SKAP2: variants seen among roughly 807,000 people sequenced by gnomAD.
SKAP2 encodes src kinase-associated phosphoprotein 2.
A neutral mutation model predicts 54.9 loss-of-function variants in SKAP2; 28 were observed. The ratio of observed to expected loss-of-function variants is 0.51; its 90% CI spans 0.38 to 0.70. The LOEUF (loss-of-function observed/expected upper bound fraction) is 0.70, where lower values mean the gene tolerates loss of function less well. Ranked by LOEUF, SKAP2 falls within the 30% of genes least tolerant of loss-of-function variation. The pLI, the probability that SKAP2 is intolerant of heterozygous loss-of-function variation, is 0.00. For missense variants in SKAP2, 356 were observed against 424.1 expected, an observed-to-expected ratio of 0.84 and a Z score of 1.41; for synonymous variants, 137 against 134.3, an observed-to-expected ratio of 1.02 and a Z score of -0.14.
rs145688678 is a variant in SKAP2, at chr7:26,854,477, T to C, written c.173+308A>G. The stretch of plus-strand genomic sequence containing the variant: ...TCTTCAGTGTCAGGTATTTTCTGTA[T>C]ATTAAAGTCCTCAATCCACCTTTGT... On this transcript the variant is annotated intron_variant, in intron 2 of 12. Transcript: ENST00000345317. 2.8e-3 allele frequency among the ~76,000 whole-genome samples: 424 copies of C among 152,160 alleles called. 1 individual carries two copies. Among genetic ancestry groups the C allele is most frequent in the African/African-American group, 8.6e-3 (359 of 41,562 alleles).
In SKAP2 at chr7:26,798,483, T is replaced by A. The variant is rs989237437; in HGVS notation, c.307+45547A>T. Among the ~76,000 whole-genome samples, 3 of 152,034 alleles carry A rather than the reference T, an allele frequency of 2.0e-5. No homozygotes were observed. In the East Asian group the frequency reaches 5.8e-4, roughly 29 times the overall value. On this transcript the variant is annotated intron_variant, in intron 4 of 12. Coordinates refer to ENST00000345317, the MANE Select transcript of SKAP2 (RefSeq NM_003930.5). ...GAAGAAAGCTGAGGAATTTCATCAA[T>A]ACCAGACCTGTCCTACAAGAAATGC...
intron 1 of SKAP2, among the ~76,000 whole-genome samples, chr7:26,860,027 T>C (rs934979206): frequency 6.6e-6 from 1 of 152,220 alleles, no homozygotes; most frequent in African/African-American, 2.4e-5. Flanking sequence ...CTGTTGTGTC[T>C]ACCTTCTTTC....
intron 4 of SKAP2, among the ~76,000 whole-genome samples, chr7:26,780,845 T>C (rs1783410201): frequency 6.6e-6 from 1 of 152,028 alleles, no homozygotes; most frequent in African/African-American, 2.4e-5. Flanking sequence ...CCCAATCTTT[T>C]CCCTAACTTG....
At chr7:26,738,954 T>A in intron 5 of SKAP2, 76 bp from the exon 6 acceptor site, 1 of 874,684 alleles carries the variant, frequency 1.1e-6, no homozygotes, top group Non-Finnish European at 1.9e-6. Flanking sequence ...ATTTCTAAGA[T>A]TCCTCTGAGC....
intron 6 of SKAP2, among the ~76,000 whole-genome samples, chr7:26,731,063 G>A (rs1787815269): frequency 6.6e-6 from 1 of 152,126 alleles, no homozygotes; most frequent in South Asian, 2.1e-4. Context: ...TAAAAGCCAG[G>A]ACCCTAGGAA....
intron 9 of SKAP2, among the ~76,000 whole-genome samples, chr7:26,695,470 T>C (rs1321795767): frequency 6.6e-6 from 1 of 152,220 alleles, no homozygotes; most frequent in Non-Finnish European, 1.5e-5. Flanking sequence ...TTGAATAACT[T>C]GTCAAGGTTC....
At chr7:26,835,082 T>C (rs970254948) in intron 4 of SKAP2, among the ~76,000 whole-genome samples, 19 of 152,038 alleles carry the variant, frequency 1.2e-4, no homozygotes, top group Non-Finnish European at 2.5e-4. Context: ...TAAACAGAAC[T>C]AATGACAAAA....
At chr7:26,665,911 C>T (rs191400387), downstream of SKAP2, among the ~76,000 whole-genome samples, 26 of 152,118 alleles carry the variant, frequency 1.7e-4, no homozygotes, top group Admixed American at 1.4e-3. Context: ...TATTGTTTCT[C>T]TGTATTTTTG....
chr7:26,682,753 C>T (rs1786531759), intron 11 of SKAP2, among the ~76,000 whole-genome samples: 1 of 152,162 alleles, frequency 6.6e-6, no homozygotes, highest in South Asian at 2.1e-4. Flanking sequence ...GCTGGAACAC[C>T]TTTAACCTTT....
intron 4 of SKAP2, among the ~76,000 whole-genome samples, chr7:26,751,524 A>AT (rs1391864671): frequency 6.6e-6 from 1 of 152,092 alleles, no homozygotes; most frequent in Non-Finnish European, 1.5e-5. Context: ...AAACTATCTA[A>AT]TTTTTTATTT....
In SKAP2 at chr7:26,683,344, A is replaced by G. The variant is rs569019437; in HGVS notation, c.987+1392T>C. On this transcript the variant is annotated intron_variant, in intron 11 of 12. Coordinates refer to ENST00000345317, the MANE Select transcript of SKAP2 (RefSeq NM_003930.5). Reference sequence around the variant, plus strand: ...GTGATGTGACTATCTATAGCGTCCAAGAACTTAAAACATCTTTCTGGGAAC... The same window carrying G: ...GTGATGTGACTATCTATAGCGTCCAGGAACTTAAAACATCTTTCTGGGAAC... Among the ~76,000 whole-genome samples the G allele has an allele frequency of 2.0e-5, 3 of 152,334 alleles. No individual in the cohort carries two copies. In the South Asian group the frequency reaches 6.2e-4, roughly 32 times the overall value.
At chr7:26,703,520 T>G (rs1787091472) in intron 9 of SKAP2, among the ~76,000 whole-genome samples, 1 of 152,190 alleles carries the variant, frequency 6.6e-6, no homozygotes, top group Admixed American at 6.5e-5. Flanking sequence ...CATAACTATA[T>G]AAATGCAATA....
chr7:26,743,647 T>C (rs1782502691), intron 4 of SKAP2, among the ~76,000 whole-genome samples: 1 of 152,180 alleles, frequency 6.6e-6, no homozygotes, highest in African/African-American at 2.4e-5. Flanking sequence ...AGTTTTCTTT[T>C]TATAAAATGA....
At chr7:26,823,474 T>G (rs181199899) in intron 4 of SKAP2, among the ~76,000 whole-genome samples, 94 of 149,532 alleles carry the variant, frequency 6.3e-4, no homozygotes, top group African/African-American at 2.3e-3. Flanking sequence ...GCCTAATTAC[T>G]GATATGGAGA....
chr7:26,842,993 TAAAA>T (rs1562632258), intron 4 of SKAP2, among the ~76,000 whole-genome samples: 1 of 151,954 alleles, frequency 6.6e-6, no homozygotes, highest in Admixed American at 6.6e-5. Context: ...GTTCTGGATA[TAAAA>T]AAAGATTGTT....
intron 4 of SKAP2, among the ~76,000 whole-genome samples, chr7:26,743,709 TAG>T (rs1451702024): frequency 6.6e-6 from 1 of 152,174 alleles, no homozygotes; most frequent in East Asian, 1.9e-4. Context: ...CTCAAAATAT[TAG>T]ACATTAAAAT....
chr7:26,778,848 A>G lies in SKAP2; in HGVS notation c.308-38884T>C, dbSNP rs146368983. On this transcript the variant is annotated intron_variant, in intron 4 of 12. Transcript: ENST00000345317. ...AAAATAAATTTATTTCCTCTCCAAT[A>G]TTTGATATAACTTTTGAAGTAAATA... Among the ~76,000 whole-genome samples the G allele has an allele frequency of 6.4e-3, 967 of 151,958 alleles. 12 individuals carry two copies. The highest frequency in any genetic ancestry group is 0.023 in the Admixed American group (355 of 15,240).
chr7:26,668,087 A>G lies in SKAP2; in HGVS notation c.*1579T>C, dbSNP rs1786143566. On this transcript the variant is annotated 3_prime_UTR_variant, in exon 13 of 13. Coordinates refer to ENST00000345317, the MANE Select transcript of SKAP2 (RefSeq NM_003930.5). Reference sequence around the variant, plus strand: ...TTTTCACATTTGAGATTGGATGATCATGATATTGAGGGGGTAATGGTAAAG... The same window carrying G: ...TTTTCACATTTGAGATTGGATGATCGTGATATTGAGGGGGTAATGGTAAAG... 1 of 152,054 alleles carries G rather than the reference A, an allele frequency of 6.6e-6. No homozygotes were observed. The highest frequency in any genetic ancestry group is 6.6e-5 in the Admixed American group (1 of 15,262). 9.4% of individuals were successfully genotyped at this position (152,054 alleles called of 1,614,324 possible). A position where few individuals can be genotyped will look rare whatever the true frequency, so the allele number is the denominator to read the frequency against.
At chr7:26,792,035 G>A (rs1407210989) in intron 4 of SKAP2, among the ~76,000 whole-genome samples, 1 of 152,206 alleles carries the variant, frequency 6.6e-6, no homozygotes, top group Non-Finnish European at 1.5e-5. Context: ...ACAGAGGTAT[G>A]AAACAACATG....
Sources: allele counts gnomAD v4.1 joint callset (sites outside exome capture counted in the v4.1 genomes callset), GRCh38; gene constraint gnomAD v4.1.1; transcripts MANE v1.5; gene names NCBI Gene and HGNC (gene_info 2026-07-23, HGNC 2026-07-21).